The following LYRM4 variants were observed in gnomAD, a reference collection of about 807,000 sequenced individuals.
LYRM4 encodes the protein LYR motif-containing protein 4.
A neutral mutation model predicts 11.7 loss-of-function variants in LYRM4; 9 were observed. The observed-to-expected ratio is 0.77, with a 90% CI of 0.46 to 1.34. The LOEUF (loss-of-function observed/expected upper bound fraction) is 1.34. Ranked by LOEUF, LYRM4 falls within the 40% of genes most tolerant of loss-of-function variation. The pLI is 0.00. For synonymous variants in LYRM4, 42 were observed against 40.4 expected (o/e 1.04, Z -0.15); for missense variants, 133 against 112.5 (o/e 1.18, Z -0.82).
chr6:5,086,063 C>G, the LYRM4 span: 1,696 of 1,474,296 alleles, frequency 1.2e-3, 42 homozygotes, highest in East Asian at 0.039. Flanking sequence ...CTTTCAGCGC[C>G]GCCTTCCCGG....
At chr6:5,084,313 A>G in the LYRM4 span, among the ~76,000 whole-genome samples, 1 of 152,180 alleles carries the variant, frequency 6.6e-6, no homozygotes, top group Non-Finnish European at 1.5e-5. Context: ...CCCCGGCCTC[A>G]GGTTCGGGCC....
At chr6:5,090,041 C>CACACACACCA in the LYRM4 span, among the ~76,000 whole-genome samples, 1 of 74,906 alleles carries the variant, frequency 1.3e-5, no homozygotes, top group South Asian at 5.3e-4. This position sits in a 1 kb window ranked among gnomAD's most constrained non-coding sequence, Gnocchi z 4.8. Context: ...CACACACACA[C>CACACACACCA]CACACACACA....
chr6:5,217,682 G>A (rs183896437), intron 1 of LYRM4, among the ~76,000 whole-genome samples: 3 of 152,322 alleles, frequency 2.0e-5, no homozygotes, highest in African/African-American at 7.2e-5. Context: ...CTCTCCTCAT[G>A]CCATAACCTT....
chr6:5,114,081 G>A lies in LYRM4; in HGVS notation c.208-4590C>T, dbSNP rs537196271. Among the ~76,000 whole-genome samples the A allele has an allele frequency of 5.9e-5, 9 of 152,298 alleles. No homozygotes were observed. The South Asian group carries it at 1.9e-3, about 32-fold the overall frequency. On this transcript the variant is annotated intron_variant, in intron 2 of 2. Coordinates refer to ENST00000330636, the MANE Select transcript of LYRM4 (RefSeq NM_020408.6). ...GAGGTGTCAGCTGTCATCATGGCTG[G>A]AGCATCTAGGACAGTTCTTTGAAGT...
chr6:5,121,474 A>G (rs1296542429), intron 2 of LYRM4, among the ~76,000 whole-genome samples: 2 of 152,190 alleles, frequency 1.3e-5, no homozygotes, highest in Admixed American at 1.3e-4. Flanking sequence ...ACATGGGAAG[A>G]GTGGATACAA....
chr6:5,193,310 A>C (rs1760872043), intron 2 of LYRM4, among the ~76,000 whole-genome samples: 1 of 136,320 alleles, frequency 7.3e-6, no homozygotes, highest in South Asian at 2.2e-4. Flanking sequence ...ACCAGAAAAC[A>C]AAAAAAAAAC....
chr6:5,048,680 C>G, the LYRM4 span, among the ~76,000 whole-genome samples: 1 of 152,176 alleles, frequency 6.6e-6, no homozygotes, highest in African/African-American at 2.4e-5. Flanking sequence ...CATCACAGAT[C>G]CCTACTTCAC....
intron 2 of LYRM4, among the ~76,000 whole-genome samples, chr6:5,195,380 G>A (rs1318098775): frequency 6.6e-6 from 1 of 152,006 alleles, no homozygotes; most frequent in Non-Finnish European, 1.5e-5. Context: ...GGAGGCTGAG[G>A]CAGGTGATCA....
chr6:5,211,424 G>A (rs1384857211), intron 2 of LYRM4, among the ~76,000 whole-genome samples: 1 of 152,078 alleles, frequency 6.6e-6, no homozygotes, highest in African/African-American at 2.4e-5. Flanking sequence ...AAATTACTTT[G>A]CTTAGCGATC....
chr6:5,140,999 C>G (rs971664565), intron 2 of LYRM4, among the ~76,000 whole-genome samples: 1 of 152,182 alleles, frequency 6.6e-6, no homozygotes, highest in African/African-American at 2.4e-5. Context: ...CCAAGAGCCT[C>G]TGTGTGTGAT....
intron 2 of LYRM4, among the ~76,000 whole-genome samples, chr6:5,112,774 AGAG>A (rs1762941591): frequency 6.6e-6 from 1 of 152,214 alleles, no homozygotes. Flanking sequence ...AAGACTTCTC[AGAG>A]GAGACAGCCT....
the LYRM4 span, among the ~76,000 whole-genome samples, chr6:5,056,947 T>C: frequency 6.6e-6 from 1 of 152,096 alleles, no homozygotes; most frequent in Non-Finnish European, 1.5e-5. Flanking sequence ...CATACATTGG[T>C]AGTAGAAGTG....
intron 2 of LYRM4, among the ~76,000 whole-genome samples, chr6:5,208,509 T>C (rs771388491): frequency 6.6e-6 from 1 of 152,248 alleles, no homozygotes; most frequent in Non-Finnish European, 1.5e-5. Context: ...CTGCCTTTTA[T>C]GGGAGCACTC....
intron 2 of LYRM4, among the ~76,000 whole-genome samples, chr6:5,115,526 T>C (rs1293682404): frequency 6.6e-6 from 1 of 152,198 alleles, no homozygotes; most frequent in Non-Finnish European, 1.5e-5. Context: ...GTTACCATCA[T>C]GTCTATTTCA....
chr6:5,086,813 A>C, the LYRM4 span: 1 of 523,666 alleles, frequency 1.9e-6, no homozygotes. Flanking sequence ...ACCTTCCTAC[A>C]AGGCCTCTAG....
chr6:5,113,385 T>C, intron 2 of LYRM4: 1 of 427,358 alleles, frequency 2.3e-6, no homozygotes, highest in Non-Finnish European at 4.8e-6. Flanking sequence ...GCCACTGCAC[T>C]CCAGCCTGGG....
At chr6:5,066,723 A>G in the LYRM4 span, 14 of 813,900 alleles carry the variant, frequency 1.7e-5, no homozygotes, top group Non-Finnish European at 2.9e-5. Context: ...TCTCCATACG[A>G]TTTGCGCCAG....
intron 2 of LYRM4, among the ~76,000 whole-genome samples, chr6:5,169,844 A>G (rs1759315775): frequency 6.6e-6 from 1 of 152,190 alleles, no homozygotes; most frequent in South Asian, 2.1e-4. Context: ...GGGACCCATG[A>G]CCAGTGTAGG....
intron 2 of LYRM4, among the ~76,000 whole-genome samples, chr6:5,209,792 G>A (rs1761896667): frequency 6.6e-6 from 1 of 152,228 alleles, no homozygotes; most frequent in African/African-American, 2.4e-5. Context: ...GTGGAACATA[G>A]CTGAGAAGCC....
Sources: gnomAD v4.1 joint callset for allele counts (sites outside exome capture counted in the v4.1 genomes callset) on GRCh38, gnomAD v4.1.1 for gene constraint, Gnocchi (gnomAD v3.1) non-coding constraint, MANE v1.5 for transcripts, NCBI Gene and HGNC (gene_info 2026-07-23, HGNC 2026-07-21) for gene names.